The following KHDRBS2 variants were observed in gnomAD, a reference collection of about 807,000 sequenced individuals.
KHDRBS2 encodes KH RNA binding domain containing, signal transduction associated 2, also known as KH domain-containing, RNA-binding, signal transduction-associated protein 2.
Under a neutral mutation model 44.3 loss-of-function variants are expected in KHDRBS2, and 26 were observed. The ratio of observed to expected loss-of-function variants is 0.59; its 90% CI spans 0.43 to 0.81. The LOEUF (loss-of-function observed/expected upper bound fraction) is 0.81. Among genes scored for constraint, KHDRBS2 ranks in the 40% least tolerant of loss-of-function variants. KHDRBS2 has a pLI of 0.00. For synonymous variants in KHDRBS2, 194 were observed against 151.1 expected (o/e 1.28, Z -2.08); for missense variants, 476 against 433.1 (o/e 1.10, Z -0.88).
intron 2 of KHDRBS2, among the ~76,000 whole-genome samples, chr6:62,100,031 A>T (rs143951283): frequency 6.2e-4 from 94 of 152,270 alleles, no homozygotes; most frequent in African/African-American, 2.2e-3. Flanking sequence ...TCTGGAAAGG[A>T]TTAACCATTC....
chr6:61,623,961 G>C, the KHDRBS2 span, among the ~76,000 whole-genome samples: 1 of 152,180 alleles, frequency 6.6e-6, no homozygotes, highest in Non-Finnish European at 1.5e-5. Context: ...CTTTGTAGGA[G>C]AGGAAGAGTG....
At chr6:61,727,017 A>G (rs1773687284) in intron 7 of KHDRBS2, among the ~76,000 whole-genome samples, 1 of 152,198 alleles carries the variant, frequency 6.6e-6, no homozygotes, top group Admixed American at 6.5e-5. Context: ...ACCTGAATTC[A>G]AGCCATACTA....
At chr6:61,602,849 C>T in the KHDRBS2 span, among the ~76,000 whole-genome samples, 1 of 152,100 alleles carries the variant, frequency 6.6e-6, no homozygotes, top group African/African-American at 2.4e-5. Context: ...CCCCACCTGC[C>T]CAGCTCCCTT....
At chr6:61,647,973 C>T in the KHDRBS2 span, among the ~76,000 whole-genome samples, 2 of 152,156 alleles carry the variant, frequency 1.3e-5, no homozygotes, top group Middle Eastern at 3.4e-3. Flanking sequence ...TAAGTCATAA[C>T]ATGCTTGGAC....
chr6:61,734,571 T>C (rs1219011854), intron 6 of KHDRBS2, among the ~76,000 whole-genome samples: 1 of 152,078 alleles, frequency 6.6e-6, no homozygotes, highest in Non-Finnish European at 1.5e-5. Context: ...TTTCCCTTAC[T>C]TATCTTCCCA....
chr6:62,049,082 G>T (rs1305215762), intron 2 of KHDRBS2, among the ~76,000 whole-genome samples: 1 of 151,560 alleles, frequency 6.6e-6, no homozygotes, highest in Non-Finnish European at 1.5e-5. Flanking sequence ...AGAATAAAAA[G>T]AAAGATGTCT....
intron 7 of KHDRBS2, among the ~76,000 whole-genome samples, chr6:61,709,176 T>C (rs1261017133): frequency 1.3e-5 from 2 of 151,670 alleles, no homozygotes; most frequent in East Asian, 3.9e-4. Flanking sequence ...CTCTTTTTCG[T>C]ATGCATAAAG....
intron 4 of KHDRBS2, 43 bp from the exon 5 acceptor site, chr6:61,901,414 C>A (rs757288892): frequency 6.6e-7 from 1 of 1,513,736 alleles, no homozygotes; most frequent in Non-Finnish European, 8.9e-7. Flanking sequence ...ATGGGACATG[C>A]CGTTCTCAGA....
chr6:61,878,444 A>G (rs1304026873), intron 6 of KHDRBS2, among the ~76,000 whole-genome samples: 1 of 151,902 alleles, frequency 6.6e-6, no homozygotes, highest in African/African-American at 2.4e-5. Context: ...TATTTTACTT[A>G]TTTCTTTTCC....
the KHDRBS2 span, among the ~76,000 whole-genome samples, chr6:61,641,083 C>T: frequency 6.6e-6 from 1 of 152,138 alleles, no homozygotes; most frequent in Non-Finnish European, 1.5e-5. Context: ...AAGAAGTGCT[C>T]TGCCTTCCCA....
At chr6:61,707,598 C>T (rs1769804673) in intron 7 of KHDRBS2, among the ~76,000 whole-genome samples, 2 of 151,628 alleles carry the variant, frequency 1.3e-5, no homozygotes, top group Admixed American at 1.3e-4. Flanking sequence ...TTGAAAGTAA[C>T]CACATTCAAG....
chr6:61,778,250 A>G (rs1195465799), intron 6 of KHDRBS2, among the ~76,000 whole-genome samples: 1 of 152,214 alleles, frequency 6.6e-6, no homozygotes, highest in Non-Finnish European at 1.5e-5. Flanking sequence ...GTGGATGAAC[A>G]GAGCCTCTGT....
intron 6 of KHDRBS2, among the ~76,000 whole-genome samples, chr6:61,773,213 C>T (rs923654961): frequency 6.6e-6 from 1 of 152,106 alleles, no homozygotes; most frequent in African/African-American, 2.4e-5. Context: ...GAGGAATCGC[C>T]ACACTGACTT....
chr6:62,278,683 G>A (rs1200582489), intron 1 of KHDRBS2, among the ~76,000 whole-genome samples: 1 of 152,102 alleles, frequency 6.6e-6, no homozygotes, highest in Non-Finnish European at 1.5e-5. Context: ...AAAAAAGGAG[G>A]CCAATTGTCT....
intron 4 of KHDRBS2, among the ~76,000 whole-genome samples, chr6:61,916,455 G>A (rs1807020843): frequency 6.6e-6 from 1 of 151,868 alleles, no homozygotes; most frequent in African/African-American, 2.4e-5. Context: ...TAGAAAAATT[G>A]TCAAGTTCTG....
At chr6:61,719,949 C>CCCCA (rs1399781793) in intron 7 of KHDRBS2, among the ~76,000 whole-genome samples, 7 of 152,062 alleles carry the variant, frequency 4.6e-5, no homozygotes, top group Non-Finnish European at 8.8e-5. Flanking sequence ...CCACAACAGT[C>CCCCA]CCCAGAGTGT....
intron 7 of KHDRBS2, among the ~76,000 whole-genome samples, chr6:61,719,101 A>G (rs916916784): frequency 2.0e-5 from 3 of 152,152 alleles, no homozygotes; most frequent in African/African-American, 7.2e-5. Context: ...AGGTTGTGTG[A>G]GTTCCTCACC....
At chr6:61,700,730 A>G (rs1768518778) in intron 7 of KHDRBS2, among the ~76,000 whole-genome samples, 1 of 128,842 alleles carries the variant, frequency 7.8e-6, no homozygotes, top group Non-Finnish European at 1.8e-5. Flanking sequence ...GCTTGTGCAC[A>G]TTTACCTTCT....
At chr6:61,788,172 T>C (rs1259616022) in intron 6 of KHDRBS2, among the ~76,000 whole-genome samples, 1 of 151,560 alleles carries the variant, frequency 6.6e-6, no homozygotes, top group East Asian at 1.9e-4. Context: ...ATTAGATATA[T>C]TGGCAAAGAA....
Sources: gnomAD v4.1 joint callset for allele counts (sites outside exome capture counted in the v4.1 genomes callset) on GRCh38, gnomAD v4.1.1 for gene constraint, MANE v1.5 for transcripts, NCBI Gene and HGNC (gene_info 2026-07-23, HGNC 2026-07-21) for gene names.